PTBP2: variants seen among roughly 807,000 people sequenced by gnomAD.
The protein encoded by PTBP2 is polypyrimidine tract binding protein 2.
PTBP2 carries 13 observed loss-of-function variants against 61.4 expected under a neutral mutation model. The ratio of observed to expected loss-of-function variants is 0.21; its 90% CI spans 0.14 to 0.34. PTBP2 has a LOEUF of 0.34. Among genes scored for constraint, PTBP2 ranks in the 10% least tolerant of loss-of-function variants. PTBP2 has a pLI of 1.00. For synonymous variants in PTBP2, 215 were observed against 218.5 expected (o/e 0.98, Z 0.14); for missense variants, 405 against 642.6 (o/e 0.63, Z 4.00).
intron 2 of PTBP2, among the ~76,000 whole-genome samples, chr1:96,742,287 G>T (rs1284921379): frequency 1.3e-5 from 2 of 152,070 alleles, no homozygotes; most frequent in Non-Finnish European, 2.9e-5. Flanking sequence ...ATATTAAAAG[G>T]ATTTTAAACA....
At chr1:96,744,937 A>G (rs966167562) in intron 2 of PTBP2, among the ~76,000 whole-genome samples, 3 of 152,030 alleles carry the variant, frequency 2.0e-5, no homozygotes, top group Non-Finnish European at 4.4e-5. Context: ...GTCATGTTTT[A>G]TGTCTGTTTT....
intron 8 of PTBP2, among the ~76,000 whole-genome samples, chr1:96,795,063 A>G (rs1398381147): frequency 6.6e-6 from 1 of 152,142 alleles, no homozygotes; most frequent in African/African-American, 2.4e-5. Flanking sequence ...CAAGTTTTAG[A>G]TGTTTGGCTT....
chr1:96,734,982 A>G (rs913706238), intron 2 of PTBP2, among the ~76,000 whole-genome samples: 1 of 148,734 alleles, frequency 6.7e-6, no homozygotes, highest in Non-Finnish European at 1.5e-5. Context: ...CAGTGGCCCA[A>G]TCTCAGCTCA....
chr1:96,772,998 C>T (rs1657561131), intron 5 of PTBP2, among the ~76,000 whole-genome samples: 1 of 151,466 alleles, frequency 6.6e-6, no homozygotes, highest in Non-Finnish European at 1.5e-5. Context: ...TGCCAGGTGC[C>T]TGTAATCCCA....
In PTBP2 at chr1:96,814,210, C is replaced by T. The variant is rs1013084560; in HGVS notation, c.*805C>T. 2 of 152,384 alleles carry T rather than the reference C, an allele frequency of 1.3e-5. No individual in the cohort carries two copies. The highest frequency in any genetic ancestry group is 2.9e-5 in the Non-Finnish European group (2 of 67,940). 9.4% of individuals were successfully genotyped at this position (152,384 alleles called of 1,614,324 possible). On this transcript the variant is annotated 3_prime_UTR_variant, in exon 14 of 14. Coordinates refer to ENST00000674951, the MANE Select transcript of PTBP2 (RefSeq NM_021190.4). ...GTCTTGTTTGTGGCTGAATATTTTT[C>T]GTAGATGTTTTTGAAGTTGACATGA...
chr1:96,749,275 C>T (rs557359628), intron 2 of PTBP2, among the ~76,000 whole-genome samples: 11 of 152,048 alleles, frequency 7.2e-5, no homozygotes, highest in Non-Finnish European at 1.5e-4. Flanking sequence ...ACTGCAATCA[C>T]AAGTTTTACA....
At chr1:96,812,423 GTTTC>G (rs1411623974) in intron 11 of PTBP2, among the ~76,000 whole-genome samples, 7 of 152,180 alleles carry the variant, frequency 4.6e-5, no homozygotes, top group African/African-American at 1.2e-4. Context: ...TGCTTATTAA[GTTTC>G]TTTCTTGTGT....
chr1:96,777,898 A>G lies in PTBP2; in HGVS notation c.660A>G (p.Gln220=), dbSNP rs769631042. 14 of 1,594,882 alleles carry G rather than the reference A, an allele frequency of 8.8e-6. No individual in the cohort carries two copies. The Admixed American group carries it at 1.5e-4, about 17-fold the overall frequency. The part of the protein sequence containing the change: ...IITFTKNNQF[Q]ALLQYGDPVN... ...CATTTACAAAAAATAACCAGTTTCA[A>G]GCTTTGCTCCAGTATGGTGATCCAG... Residue 220 remains glutamine, a synonymous_variant, in exon 7 of 14, where the codon CAA becomes CAG. Transcript: ENST00000674951.
intron 3 of PTBP2, among the ~76,000 whole-genome samples, chr1:96,763,771 C>T (rs1194951856): frequency 6.6e-6 from 1 of 152,072 alleles, no homozygotes; most frequent in Non-Finnish European, 1.5e-5. Flanking sequence ...TTTATTTAAC[C>T]TCCATGTACA....
At chr1:96,763,912 T>C (rs1357315496) in intron 3 of PTBP2, among the ~76,000 whole-genome samples, 2 of 152,196 alleles carry the variant, frequency 1.3e-5, no homozygotes, top group East Asian at 1.9e-4. Flanking sequence ...CCTTTAAAAA[T>C]TGGTGATTAT....
At chr1:96,799,666 A>T (rs1184434571) in intron 8 of PTBP2, among the ~76,000 whole-genome samples, 1 of 152,204 alleles carries the variant, frequency 6.6e-6, no homozygotes, top group Admixed American at 6.5e-5. Context: ...GTAATCTGTT[A>T]GAGCCAGTGT....
chr1:96,787,087 C>G (rs1046534224), intron 8 of PTBP2, among the ~76,000 whole-genome samples: 3 of 152,164 alleles, frequency 2.0e-5, no homozygotes, highest in African/African-American at 4.8e-5. Flanking sequence ...GTGGCGCAGT[C>G]TCGGCTCACT....
chr1:96,763,471 G>A (rs918490283), intron 3 of PTBP2, among the ~76,000 whole-genome samples: 12 of 150,642 alleles, frequency 8.0e-5, no homozygotes, highest in Admixed American at 2.6e-4. Flanking sequence ...GCAGGCACTC[G>A]GCAGGCTGAG....
downstream of PTBP2, chr1:96,818,460 T>C (rs945787470): frequency 1.3e-5 from 2 of 152,092 alleles, no homozygotes; most frequent in African/African-American, 4.8e-5. Flanking sequence ...TGGTCATAGT[T>C]GCTTTCTCTA....
At chr1:96,760,647 A>G (rs751718394) in intron 3 of PTBP2, among the ~76,000 whole-genome samples, 2 of 151,916 alleles carry the variant, frequency 1.3e-5, no homozygotes, top group Non-Finnish European at 2.9e-5. Flanking sequence ...GGGTTTCGCC[A>G]TGTTGGCCAG....
chr1:96,762,592 G>A (rs1378286924), intron 3 of PTBP2, among the ~76,000 whole-genome samples: 1 of 136,824 alleles, frequency 7.3e-6, no homozygotes, highest in East Asian at 2.3e-4. Flanking sequence ...CGGGCAGAGG[G>A]GCTCCTCACT....
chr1:96,768,800 T>G (rs1557731660), intron 3 of PTBP2, among the ~76,000 whole-genome samples: 1 of 151,970 alleles, frequency 6.6e-6, no homozygotes, highest in East Asian at 1.9e-4. Context: ...TCACAAAATA[T>G]TAGGTAGTTT....
intron 7 of PTBP2, among the ~76,000 whole-genome samples, chr1:96,778,911 A>G (rs1658339916): frequency 6.6e-6 from 1 of 152,148 alleles, no homozygotes; most frequent in South Asian, 2.1e-4. Flanking sequence ...TACAAGTAAT[A>G]ATAGCATAAT....
At chr1:96,746,038 C>T (rs894131442) in intron 2 of PTBP2, among the ~76,000 whole-genome samples, 1 of 151,360 alleles carries the variant, frequency 6.6e-6, no homozygotes, top group African/African-American at 2.4e-5. Flanking sequence ...TACACTCCAG[C>T]CTGTGTGACA....
Sources: gnomAD v4.1 joint callset for allele counts (sites outside exome capture counted in the v4.1 genomes callset) on GRCh38, gnomAD v4.1.1 for gene constraint, MANE v1.5 for transcripts, NCBI Gene and HGNC (gene_info 2026-07-23, HGNC 2026-07-21) for gene names.